Variants in SDK1 observed in about 807,000 individuals in gnomAD.
SDK1 encodes protein sidekick-1.
A neutral mutation model predicts 245.5 loss-of-function variants in SDK1; 157 were observed. That is an observed-to-expected ratio of 0.64 (90% confidence interval 0.56 to 0.73). The LOEUF (loss-of-function observed/expected upper bound fraction) is 0.73. Among genes scored for constraint, SDK1 ranks in the 30% least tolerant of loss-of-function variants. The probability of loss-of-function intolerance (pLI) is 0.00; values close to 1 mark genes in which losing one functional copy is unlikely to be tolerated. For missense variants in SDK1, 3,583 were observed against 3,002.3 expected, an observed-to-expected ratio of 1.19 and a Z score of -4.52; for synonymous variants, 1,647 against 1,278.5, an observed-to-expected ratio of 1.29 and a Z score of -6.15.
At chr7:3,362,734 C>A (rs967855102) in intron 1 of SDK1, among the ~76,000 whole-genome samples, 9 of 151,968 alleles carry the variant, frequency 5.9e-5, no homozygotes, top group Admixed American at 2.6e-4. Flanking sequence ...AATATACAAC[C>A]AGTTTTCTTC....
chr7:3,858,706 G>A (rs958624869), intron 5 of SDK1, among the ~76,000 whole-genome samples: 2 of 151,640 alleles, frequency 1.3e-5, no homozygotes, highest in African/African-American at 2.4e-5. Context: ...AGCAAAAAAC[G>A]AAGGAAGAAT....
chr7:3,547,571 G>A (rs559330364), intron 1 of SDK1, among the ~76,000 whole-genome samples: 4 of 152,266 alleles, frequency 2.6e-5, no homozygotes, highest in Middle Eastern at 3.4e-3. Context: ...TAAACTCTTG[G>A]CATTAAAAAA....
chr7:4,250,043 C>T (rs993521609), intron 44 of SDK1, among the ~76,000 whole-genome samples: 3 of 152,186 alleles, frequency 2.0e-5, no homozygotes, highest in African/African-American at 7.2e-5. Flanking sequence ...CCCAAACCAC[C>T]CACATACACC....
chr7:4,249,022 C>CATATGT (rs1787119774), intron 44 of SDK1, among the ~76,000 whole-genome samples: 15 of 152,008 alleles, frequency 9.9e-5, no homozygotes, highest in African/African-American at 2.9e-4. Flanking sequence ...CACACATGCA[C>CATATGT]ACATGCCTGC....
intron 1 of SDK1, among the ~76,000 whole-genome samples, chr7:3,534,189 A>ACAGAC (rs1562545477): frequency 6.6e-6 from 1 of 152,218 alleles, no homozygotes; most frequent in Non-Finnish European, 1.5e-5. Flanking sequence ...CTCCCTGAGC[A>ACAGAC]TAAGTCTCAA....
intron 1 of SDK1, among the ~76,000 whole-genome samples, chr7:3,565,421 C>T (rs566958240): frequency 3.3e-5 from 5 of 152,244 alleles, no homozygotes; most frequent in Middle Eastern, 3.4e-3. Context: ...CTTAACATAG[C>T]GTTTTCATTT....
chr7:3,570,170 C>A (rs914992841), intron 1 of SDK1, among the ~76,000 whole-genome samples: 3 of 152,152 alleles, frequency 2.0e-5, no homozygotes, highest in Non-Finnish European at 4.4e-5. Flanking sequence ...CTTGACTCAA[C>A]CTTTTTGGCA....
At chr7:4,107,465 C>A (rs1260424422) in intron 22 of SDK1, among the ~76,000 whole-genome samples, 4 of 150,228 alleles carry the variant, frequency 2.7e-5, no homozygotes, top group Non-Finnish European at 1.5e-5. Flanking sequence ...AAATGGAAGT[C>A]ATCCCTTTTT....
intron 1 of SDK1, among the ~76,000 whole-genome samples, chr7:3,519,518 T>G (rs185378373): frequency 6.6e-6 from 1 of 152,138 alleles, no homozygotes; most frequent in Admixed American, 6.6e-5. Context: ...CTGTATTGCT[T>G]GCTATGTTTT....
At chr7:3,327,846 C>A (rs1779972858) in intron 1 of SDK1, among the ~76,000 whole-genome samples, 2 of 152,062 alleles carry the variant, frequency 1.3e-5, no homozygotes, top group African/African-American at 4.8e-5. Flanking sequence ...AATTACCCAT[C>A]GAAAACTCAT....
At chr7:3,536,155 C>G (rs961508271) in intron 1 of SDK1, among the ~76,000 whole-genome samples, 16 of 151,872 alleles carry the variant, frequency 1.1e-4, no homozygotes, top group Non-Finnish European at 1.5e-5. Context: ...CTCCTGGGTC[C>G]ACACCATTCT....
intron 4 of SDK1, among the ~76,000 whole-genome samples, chr7:3,728,881 C>G (rs913039942): frequency 7.2e-5 from 11 of 152,054 alleles, no homozygotes; most frequent in African/African-American, 2.4e-4. Context: ...GCTGTGGGTC[C>G]GTGAGCCACC....
In SDK1 at chr7:3,696,817, G is replaced by A. The variant is rs570962673; in HGVS notation, c.713+54712G>A. Among the ~76,000 whole-genome samples, 415 of 151,958 alleles carry A rather than the reference G, an allele frequency of 2.7e-3. 3 individuals are homozygous for A. Among genetic ancestry groups the A allele is most frequent in the South Asian group, 0.017 (82 of 4,810 alleles). On this transcript the variant is annotated intron_variant, in intron 4 of 44. Transcript: ENST00000404826. Reference sequence around the variant, plus strand: ...GGGACTAAAATGTAATTATAACAAAGCAATTCACTCTAAGAACATTTGATT... The same window carrying A: ...GGGACTAAAATGTAATTATAACAAAACAATTCACTCTAAGAACATTTGATT...
chr7:3,344,563 G>C (rs1412835703), intron 1 of SDK1, among the ~76,000 whole-genome samples: 2 of 152,184 alleles, frequency 1.3e-5, no homozygotes, highest in African/African-American at 2.4e-5. Flanking sequence ...ATAAAAATGT[G>C]ACAGTTGCTC....
chr7:3,598,328 A>G (rs1781135265), intron 1 of SDK1, among the ~76,000 whole-genome samples: 1 of 152,032 alleles, frequency 6.6e-6, no homozygotes, highest in Non-Finnish European at 1.5e-5. Flanking sequence ...TTATCAGAAT[A>G]TTTTCTCTTA....
At chr7:4,200,412 A>T (rs986224000) in intron 35 of SDK1, among the ~76,000 whole-genome samples, 5 of 152,202 alleles carry the variant, frequency 3.3e-5, no homozygotes, top group African/African-American at 1.2e-4. Flanking sequence ...CTAAAACAAC[A>T]CACATCTCCT....
At chr7:3,618,995 T>C in intron 1 of SDK1, 85 bp from the exon 2 acceptor site, 4 of 1,135,522 alleles carry the variant, frequency 3.5e-6, no homozygotes, top group South Asian at 1.8e-5. Context: ...ATTACGTTTG[T>C]TTAAATAATA....
chr7:4,233,175 C>A lies in SDK1; in HGVS notation c.5828-80C>A, dbSNP rs566324517. ...TCATCCAGGGCTGCTGCAAGCCGAC[C>A]CACCAGGCAGGTGCATGGGGCTCGC... On this transcript the variant is annotated intron_variant, in intron 40 of 44. Transcript: ENST00000404826. The A allele has an allele frequency of 3.9e-5, 55 of 1,409,462 alleles. No individual in the cohort carries two copies. In the African/African-American group the frequency reaches 7.1e-4, roughly 18 times the overall value. 87.3% of individuals were successfully genotyped at this position (1,409,462 alleles called of 1,614,324 possible). A position where few individuals can be genotyped will look rare whatever the true frequency, so the allele number is the denominator to read the frequency against.
chr7:3,878,962 C>T (rs1781140544), intron 5 of SDK1, among the ~76,000 whole-genome samples: 1 of 152,060 alleles, frequency 6.6e-6, no homozygotes. Flanking sequence ...TTTTAATTAA[C>T]ATTTGCTAAT....
Sources: gnomAD v4.1 joint callset for allele counts (sites outside exome capture counted in the v4.1 genomes callset) on GRCh38, gnomAD v4.1.1 for gene constraint, MANE v1.5 for transcripts, NCBI Gene and HGNC (gene_info 2026-07-23, HGNC 2026-07-21) for gene names.